Variants in NRG3 observed in about 807,000 individuals in gnomAD.
NRG3 encodes the protein pro-neuregulin-3, membrane-bound isoform.
NRG3 carries 31 observed loss-of-function variants against 66.9 expected under a neutral mutation model. The ratio of observed to expected loss-of-function variants is 0.46; its 90% confidence interval spans 0.35 to 0.63. The LOEUF is 0.63. NRG3 is among the 20% of genes least tolerant of loss of function. The probability of loss-of-function intolerance (pLI) is 0.00; values close to 1 mark genes in which losing one functional copy is unlikely to be tolerated. For synonymous variants in NRG3, 393 were observed against 359.4 expected (o/e 1.09, Z -1.06); for missense variants, 910 against 878.9 (o/e 1.04, Z -0.45).
At chr10:82,811,323 A>G (rs138199549) in intron 3 of NRG3, among the ~76,000 whole-genome samples, 1 of 152,354 alleles carries the variant, frequency 6.6e-6, no homozygotes, top group East Asian at 1.9e-4. Flanking sequence ...TTCTGTATCC[A>G]TTAAATATTC....
intron 2 of NRG3, among the ~76,000 whole-genome samples, chr10:82,665,865 ACTT>A (rs2052732939): frequency 6.6e-6 from 1 of 151,820 alleles, no homozygotes; most frequent in South Asian, 2.1e-4. Context: ...TCTGGCTACT[ACTT>A]CATTTTTTTT....
intron 2 of NRG3, among the ~76,000 whole-genome samples, chr10:82,425,710 A>G (rs2089384036): frequency 6.6e-6 from 1 of 152,096 alleles, no homozygotes; most frequent in Admixed American, 6.6e-5. Context: ...TTGAGATTTT[A>G]TGTTCATTTG....
At chr10:82,154,339 C>T (rs2071020249) in intron 1 of NRG3, among the ~76,000 whole-genome samples, 2 of 151,990 alleles carry the variant, frequency 1.3e-5, no homozygotes, top group African/African-American at 4.8e-5. Context: ...GTGCTTTCCC[C>T]ATTGTATATT....
At chr10:81,960,826 C>A (rs1449003944) in intron 1 of NRG3, among the ~76,000 whole-genome samples, 1 of 152,046 alleles carries the variant, frequency 6.6e-6, no homozygotes, top group African/African-American at 2.4e-5. Flanking sequence ...TTCAACACTT[C>A]CTATTTCAAG....
chr10:82,894,897 GC>G (rs1591857159), intron 4 of NRG3, among the ~76,000 whole-genome samples: 1 of 151,962 alleles, frequency 6.6e-6, no homozygotes. Context: ...CCCTCCCCTT[GC>G]CCCCACTGCC....
At chr10:82,066,480 T>C (rs1439093706) in intron 1 of NRG3, among the ~76,000 whole-genome samples, 1 of 152,194 alleles carries the variant, frequency 6.6e-6, no homozygotes, top group Non-Finnish European at 1.5e-5. Context: ...TATGGTTAAC[T>C]GATGCAGGGA....
intron 1 of NRG3, among the ~76,000 whole-genome samples, chr10:81,960,949 T>C (rs199840723): frequency 6.6e-6 from 1 of 152,164 alleles, no homozygotes; most frequent in African/African-American, 2.4e-5. Flanking sequence ...CTTCTCTGCA[T>C]GACCAAAACT....
At chr10:82,925,238 A>G (rs954118668) in intron 4 of NRG3, among the ~76,000 whole-genome samples, 1 of 152,210 alleles carries the variant, frequency 6.6e-6, no homozygotes, top group Non-Finnish European at 1.5e-5. Flanking sequence ...ATTTTCTGTT[A>G]CAGAAGTACA....
chr10:82,428,034 A>G (rs1215190506), intron 2 of NRG3, among the ~76,000 whole-genome samples: 1 of 151,836 alleles, frequency 6.6e-6, no homozygotes, highest in African/African-American at 2.4e-5. Flanking sequence ...ATTTTCCTCT[A>G]AGTTTGGAAG....
intron 4 of NRG3, among the ~76,000 whole-genome samples, chr10:82,899,104 G>T (rs1336229508): frequency 6.6e-6 from 1 of 152,032 alleles, no homozygotes; most frequent in Admixed American, 6.6e-5. Flanking sequence ...AATGAGGGAT[G>T]TATCTAAATT....
At chr10:82,246,701 A>T (rs2077260763) in intron 1 of NRG3, among the ~76,000 whole-genome samples, 1 of 152,332 alleles carries the variant, frequency 6.6e-6, no homozygotes, top group Non-Finnish European at 1.5e-5. Flanking sequence ...AAATGATCTT[A>T]GTCTGAATCG....
At chr10:82,410,704 T>C in intron 2 of NRG3, among the ~76,000 whole-genome samples, 1 of 152,012 alleles carries the variant, frequency 6.6e-6, no homozygotes, top group East Asian at 1.9e-4. Context: ...ATGTTTGTGA[T>C]ATCCAAATGT....
chr10:82,866,701 G>A (rs1294341091), intron 4 of NRG3, among the ~76,000 whole-genome samples: 1 of 152,184 alleles, frequency 6.6e-6, no homozygotes, highest in Non-Finnish European at 1.5e-5. Flanking sequence ...CCGTTTCAAT[G>A]AAATCAATTA....
At chr10:82,161,544 C>T (rs780709127) in intron 1 of NRG3, among the ~76,000 whole-genome samples, 5 of 151,996 alleles carry the variant, frequency 3.3e-5, no homozygotes, top group Non-Finnish European at 7.4e-5. Context: ...ATTTTTTCCC[C>T]AGTTTTACTG....
At chr10:82,076,712 A>G (rs117731380) in intron 1 of NRG3, among the ~76,000 whole-genome samples, 3 of 152,290 alleles carry the variant, frequency 2.0e-5, no homozygotes, top group East Asian at 3.9e-4. Context: ...CCCATGTGAC[A>G]TGCCAGCTCC....
At chr10:82,238,912 G>A (rs1250887584) in intron 1 of NRG3, among the ~76,000 whole-genome samples, 43 of 120,704 alleles carry the variant, frequency 3.6e-4, no homozygotes, top group African/African-American at 9.6e-4. Context: ...AGGTTATACC[G>A]TATATATATA....
chr10:82,070,091 C>G (rs2064719299), intron 1 of NRG3, among the ~76,000 whole-genome samples: 1 of 152,156 alleles, frequency 6.6e-6, no homozygotes, highest in African/African-American at 2.4e-5. Context: ...TTGGTCAAAT[C>G]AAGAGATAAG....
At chr10:82,353,546 G>A (rs2083566584) in intron 1 of NRG3, among the ~76,000 whole-genome samples, 1 of 152,048 alleles carries the variant, frequency 6.6e-6, no homozygotes, top group South Asian at 2.1e-4. Context: ...AAACTTAAAA[G>A]CAAAGCACTC....
intron 2 of NRG3, among the ~76,000 whole-genome samples, chr10:82,691,099 C>T (rs751537928): frequency 5.9e-5 from 9 of 152,072 alleles, no homozygotes; most frequent in African/African-American, 9.6e-5. Context: ...ATCAGAATCC[C>T]GACGAACAAA....
Sources: allele counts gnomAD v4.1 joint callset (sites outside exome capture counted in the v4.1 genomes callset), GRCh38; gene constraint gnomAD v4.1.1; transcripts MANE v1.5; gene names NCBI Gene and HGNC (gene_info 2026-07-23, HGNC 2026-07-21).